PDE4B: variants seen among roughly 807,000 people sequenced by gnomAD.
The protein encoded by PDE4B is 3',5'-cyclic-AMP phosphodiesterase 4B.
A neutral mutation model predicts 82.2 loss-of-function variants in PDE4B; 20 were observed. The ratio of observed to expected loss-of-function variants is 0.24; its 90% CI spans 0.17 to 0.35. PDE4B has a LOEUF of 0.35. PDE4B is among the 10% of genes least tolerant of loss of function. PDE4B has a pLI of 1.00. For synonymous variants in PDE4B, 320 were observed against 318.9 expected, an observed-to-expected ratio of 1.00 and a Z score of -0.04; for missense variants, 655 against 907.2, an observed-to-expected ratio of 0.72 and a Z score of 3.57.
chr1:66,198,597 T>TTTTTA (rs1265402489), intron 3 of PDE4B, among the ~76,000 whole-genome samples: 2 of 152,136 alleles, frequency 1.3e-5, no homozygotes, highest in African/African-American at 2.4e-5. Flanking sequence ...TTCTCCTGTG[T>TTTTTA]TTTTATTTTA....
chr1:65,819,369 G>C lies in PDE4B; in HGVS notation c.-71+26121G>C, dbSNP rs138751899. Among the ~76,000 whole-genome samples, 21 of 152,314 alleles carry C rather than the reference G, an allele frequency of 1.4e-4. 1 individual carries two copies. The East Asian group carries it at 1.5e-3, about 11-fold the overall frequency. ...TGCATGATTGAATGTCAGAAGGCTT[G>C]TAGGAGTGCCGGAACTGTTATTTGA... is the stretch of plus-strand genomic sequence containing the variant. On this transcript the variant is annotated intron_variant, in intron 1 of 16. Transcript: ENST00000341517.
At chr1:66,298,601 T>A (rs1326647562) in intron 7 of PDE4B, among the ~76,000 whole-genome samples, 1 of 152,176 alleles carries the variant, frequency 6.6e-6, no homozygotes, top group Non-Finnish European at 1.5e-5. Flanking sequence ...TGGGCTTGAG[T>A]CCAAGACTTC....
chr1:66,321,342 T>C (rs749072089), intron 7 of PDE4B, among the ~76,000 whole-genome samples: 1 of 152,212 alleles, frequency 6.6e-6, no homozygotes, highest in African/African-American at 2.4e-5. Context: ...TTCTAACTTA[T>C]GAATGTTTCA....
At chr1:65,928,177 C>T (rs1486288651) in intron 3 of PDE4B, among the ~76,000 whole-genome samples, 1 of 150,466 alleles carries the variant, frequency 6.6e-6, no homozygotes, top group South Asian at 2.1e-4. Context: ...GTAGTGAGGT[C>T]CTTCCTCAAG....
chr1:66,323,130 C>T (rs990190513), intron 7 of PDE4B, among the ~76,000 whole-genome samples: 1 of 152,100 alleles, frequency 6.6e-6, no homozygotes, highest in Non-Finnish European at 1.5e-5. Context: ...ACCAAGTTTT[C>T]CAGTTGCTTC....
intron 1 of PDE4B, among the ~76,000 whole-genome samples, chr1:65,834,258 G>A (rs918827270): frequency 4.6e-5 from 7 of 152,088 alleles, no homozygotes; most frequent in Non-Finnish European, 1.0e-4. Flanking sequence ...TGGCCAGGCT[G>A]ATCTTGAACT....
intron 3 of PDE4B, among the ~76,000 whole-genome samples, chr1:66,083,325 C>T (rs1656838243): frequency 6.6e-6 from 1 of 152,038 alleles, no homozygotes; most frequent in African/African-American, 2.4e-5. Context: ...ATCATTTTTT[C>T]CACTTCTCCT....
At chr1:66,019,108 C>T (rs1348546823) in intron 3 of PDE4B, among the ~76,000 whole-genome samples, 1 of 152,034 alleles carries the variant, frequency 6.6e-6, no homozygotes, top group East Asian at 1.9e-4. Flanking sequence ...CTGATGAAAA[C>T]TTTCAGTGGC....
chr1:66,017,833 A>T (rs116153338), intron 3 of PDE4B, among the ~76,000 whole-genome samples: 8,285 of 119,038 alleles, frequency 0.07, 542 homozygotes, highest in East Asian at 0.42. Flanking sequence ...TGAGATTTTT[A>T]AAAAATATAT....
chr1:65,869,876 G>A (rs947738133), intron 1 of PDE4B, among the ~76,000 whole-genome samples: 1 of 149,398 alleles, frequency 6.7e-6, no homozygotes, highest in Non-Finnish European at 1.5e-5. Flanking sequence ...TTTGTAACTT[G>A]TAACTTTTTT....
chr1:66,357,519 G>A (rs1662351769), intron 9 of PDE4B, among the ~76,000 whole-genome samples: 1 of 151,714 alleles, frequency 6.6e-6, no homozygotes, highest in Non-Finnish European at 1.5e-5. Context: ...TTGCTATTTA[G>A]GCATATCTCT....
chr1:65,793,525 G>A (rs1645597677), intron 1 of PDE4B, among the ~76,000 whole-genome samples: 1 of 152,202 alleles, frequency 6.6e-6, no homozygotes. Context: ...GATGGAGAGA[G>A]GCTAAGGGAG....
At chr1:66,309,127 G>C (rs777981868) in intron 7 of PDE4B, among the ~76,000 whole-genome samples, 1 of 152,182 alleles carries the variant, frequency 6.6e-6, no homozygotes, top group Non-Finnish European at 1.5e-5. Context: ...GTTTGGAAAT[G>C]ATGTACACTT....
chr1:66,295,118 C>T (rs962167634), intron 7 of PDE4B, among the ~76,000 whole-genome samples: 4 of 152,112 alleles, frequency 2.6e-5, no homozygotes, highest in Admixed American at 2.6e-4. Context: ...TCAGGGACTT[C>T]GAAGTAGGGG....
At chr1:66,348,667 TAAA>T (rs930105840) in intron 8 of PDE4B, among the ~76,000 whole-genome samples, 1 of 143,280 alleles carries the variant, frequency 7.0e-6, no homozygotes, top group African/African-American at 2.5e-5. Flanking sequence ...TACTTACAGT[TAAA>T]AAAAAAAAAA....
intron 3 of PDE4B, among the ~76,000 whole-genome samples, chr1:66,160,815 T>C (rs1570368352): frequency 6.6e-6 from 1 of 152,230 alleles, no homozygotes; most frequent in African/African-American, 2.4e-5. Flanking sequence ...CTAATTATAC[T>C]GACTGTGCCT....
intron 3 of PDE4B, among the ~76,000 whole-genome samples, chr1:66,125,309 G>A (rs1055561872): frequency 6.6e-6 from 1 of 151,640 alleles, no homozygotes; most frequent in Non-Finnish European, 1.5e-5. Context: ...GATTACAAGT[G>A]CCAGCCACCA....
At chr1:65,979,089 C>T (rs1650557391) in intron 3 of PDE4B, among the ~76,000 whole-genome samples, 2 of 152,156 alleles carry the variant, frequency 1.3e-5, no homozygotes. Context: ...CTTCAAAGAA[C>T]ATCTTGATTA....
chr1:66,099,895 C>T (rs192034951), intron 3 of PDE4B, among the ~76,000 whole-genome samples: 1 of 152,078 alleles, frequency 6.6e-6, no homozygotes, highest in Non-Finnish European at 1.5e-5. Flanking sequence ...TGCAAGACAC[C>T]ATACTCAGAT....
Sources: allele counts gnomAD v4.1 joint callset (sites outside exome capture counted in the v4.1 genomes callset), GRCh38; gene constraint gnomAD v4.1.1; transcripts MANE v1.5; gene names NCBI Gene and HGNC (gene_info 2026-07-23, HGNC 2026-07-21).